Variants in MYO3A observed in about 807,000 individuals in gnomAD.
MYO3A encodes myosin-IIIa.
Under a neutral mutation model 192.7 loss-of-function variants are expected in MYO3A, and 180 were observed. That is an observed-to-expected ratio of 0.93 (90% CI 0.83 to 1.06). The LOEUF (loss-of-function observed/expected upper bound fraction) is 1.06, where lower values mean the gene tolerates loss of function less well. Among genes scored for constraint, MYO3A ranks in the 50% least tolerant of loss-of-function variants. The pLI, the probability that MYO3A is intolerant of heterozygous loss-of-function variation, is 0.00. For missense variants in MYO3A, 1,896 were observed against 1,905.0 expected (o/e 1.00, Z 0.09); for synonymous variants, 628 against 645.3 (o/e 0.97, Z 0.41).
chr10:26,130,337 C>A (rs1839459769), intron 20 of MYO3A, among the ~76,000 whole-genome samples: 1 of 152,112 alleles, frequency 6.6e-6, no homozygotes, highest in Non-Finnish European at 1.5e-5. Flanking sequence ...AAATCCTGGG[C>A]TCAGGCTCAG....
chr10:26,192,064 G>A (rs754816156), intron 31 of MYO3A, among the ~76,000 whole-genome samples: 18 of 152,114 alleles, frequency 1.2e-4, no homozygotes, highest in Non-Finnish European at 2.1e-4. Flanking sequence ...AAACAGAGTC[G>A]GTGGATGGGG....
intron 14 of MYO3A, among the ~76,000 whole-genome samples, chr10:26,080,870 T>TG (rs1835883871): frequency 6.6e-6 from 1 of 152,190 alleles, no homozygotes; most frequent in Admixed American, 6.5e-5. Context: ...GGGCTGCTGC[T>TG]GGGGGTTGTC....
At chr10:25,998,699 A>G (rs1264438069) in intron 6 of MYO3A, among the ~76,000 whole-genome samples, 1 of 152,180 alleles carries the variant, frequency 6.6e-6, no homozygotes, top group Non-Finnish European at 1.5e-5. Flanking sequence ...CTTCCTCTAA[A>G]AAATAGATAC....
At chr10:26,014,265 A>T (rs1841848716) in intron 6 of MYO3A, among the ~76,000 whole-genome samples, 1 of 152,098 alleles carries the variant, frequency 6.6e-6, no homozygotes, top group African/African-American at 2.4e-5. Flanking sequence ...TGTACATCAA[A>T]AGTTATTGAA....
At chr10:26,092,602 A>G (rs2131537362) in intron 15 of MYO3A, among the ~76,000 whole-genome samples, 1 of 152,344 alleles carries the variant, frequency 6.6e-6, no homozygotes, top group Non-Finnish European at 1.5e-5. Context: ...AGGCTGTCAG[A>G]GGCCTTGGCT....
At chr10:26,008,352 GC>G (rs1181708615) in intron 6 of MYO3A, among the ~76,000 whole-genome samples, 1 of 148,388 alleles carries the variant, frequency 6.7e-6, no homozygotes, top group Non-Finnish European at 1.5e-5. Context: ...AACACCAAAA[GC>G]AATGGCAACA....
chr10:26,060,724 G>A (rs1410840740), intron 10 of MYO3A, among the ~76,000 whole-genome samples: 1 of 152,118 alleles, frequency 6.6e-6, no homozygotes, highest in Non-Finnish European at 1.5e-5. Context: ...ATTCACTGAT[G>A]TATAAAGATG....
chr10:25,996,645 A>G (rs897237465), intron 5 of MYO3A, 51 bp downstream of exon 5: 28 of 1,437,020 alleles, frequency 1.9e-5, no homozygotes, highest in African/African-American at 2.8e-5. Flanking sequence ...GTTCCAGTTA[A>G]AAAATGTAGA....
In MYO3A at chr10:26,067,025, C is replaced by T; in HGVS notation, c.1004C>T (p.Ser335Phe). The change falls in exon 11 of 35, where the codon TCC (serine) becomes TTC (phenylalanine). Residue 335 changes from serine to phenylalanine, a missense_variant. By Grantham distance (155) the Ser-to-Phe change is radical (BLOSUM62 -2). Coordinates refer to ENST00000642920, the MANE Select transcript of MYO3A (RefSeq NM_017433.5). ...GGGAACTTCAACCGACCTCTAATAT[C>T]CAATCTGAAGGATGTAGATGATTTA... ...KKGNFNRPLI[S>F]NLKDVDDLAT... 6.2e-7 allele frequency: 1 copy of T among 1,613,186 alleles called. No homozygotes were observed. Among genetic ancestry groups the T allele is most frequent in the Non-Finnish European group, 8.5e-7 (1 of 1,179,230 alleles).
At chr10:26,006,667 C>T (rs558625467) in intron 6 of MYO3A, among the ~76,000 whole-genome samples, 121 of 152,022 alleles carry the variant, frequency 8.0e-4, no homozygotes, top group Non-Finnish European at 1.2e-3. Context: ...TACACCCTCC[C>T]GAGACTAAAC....
intron 31 of MYO3A, among the ~76,000 whole-genome samples, chr10:26,183,517 C>T (rs1336705085): frequency 1.3e-5 from 2 of 151,360 alleles, no homozygotes; most frequent in Non-Finnish European, 2.9e-5. Context: ...AGTGAGACTT[C>T]GTCTCAAAAA....
At chr10:26,067,622 C>T (rs1027615137) in intron 11 of MYO3A, among the ~76,000 whole-genome samples, 1 of 152,106 alleles carries the variant, frequency 6.6e-6, no homozygotes, top group Non-Finnish European at 1.5e-5. Flanking sequence ...GCTTATCTTT[C>T]GGGGGTATTG....
chr10:26,092,955 C>T (rs1228360312), intron 15 of MYO3A, among the ~76,000 whole-genome samples: 1 of 152,160 alleles, frequency 6.6e-6, no homozygotes, highest in Non-Finnish European at 1.5e-5. Flanking sequence ...CGCTGAAGAT[C>T]AGTATATTCC....
rs112046655 is a variant in MYO3A at position 26,113,286 on chromosome 10, A to G, written c.1777-7390A>G. Among the ~76,000 whole-genome samples the G allele has an allele frequency of 6.6e-5, 10 of 152,112 alleles. 1 individual carries two copies. The highest frequency in any genetic ancestry group is 2.4e-4 in the African/African-American group (10 of 41,508). On this transcript the variant is annotated intron_variant, in intron 17 of 34. Coordinates refer to ENST00000642920, the MANE Select transcript of MYO3A (RefSeq NM_017433.5). Reference sequence around the variant, plus strand: ...AGGAGTTTGAGACCGGCCTGGGCAAACAGTGAAACCCCGTCTCTTTTAAAA... The same window carrying G: ...AGGAGTTTGAGACCGGCCTGGGCAAGCAGTGAAACCCCGTCTCTTTTAAAA...
At chr10:26,008,256 A>G (rs1180353909) in intron 6 of MYO3A, among the ~76,000 whole-genome samples, 4 of 146,142 alleles carry the variant, frequency 2.7e-5, no homozygotes, top group Admixed American at 2.7e-4. Flanking sequence ...AGACTTAACC[A>G]TTAGACCTAA....
rs370263027 is a variant in MYO3A at position 26,030,200 on chromosome 10, C to A, written c.953+3668C>A. 3.3e-5 allele frequency among the ~76,000 whole-genome samples: 5 copies of A among 152,238 alleles called. No individual in the cohort carries two copies. The South Asian group carries it at 1.0e-3, about 32-fold the overall frequency. On this transcript the variant is annotated intron_variant, in intron 10 of 34. Coordinates refer to ENST00000642920, the MANE Select transcript of MYO3A (RefSeq NM_017433.5). ...CTTTACTCTCCAGGCCTCTTTTTCC[C>A]GTTTTTGGTGCCAGACTTTGAATCA...
chr10:26,006,616 A>T (rs1481308036), intron 6 of MYO3A, among the ~76,000 whole-genome samples: 5 of 152,234 alleles, frequency 3.3e-5, no homozygotes, highest in Non-Finnish European at 7.3e-5. Context: ...TACGCAAATA[A>T]ACTAGAAAAT....
chr10:26,026,471 C>CA lies in MYO3A; in HGVS notation c.897dup (p.Gln300ThrfsTer21), dbSNP rs1392834144. 1.9e-6 allele frequency: 3 copies of CA among 1,614,072 alleles called. No individual in the cohort carries two copies. The highest frequency in any genetic ancestry group is 4.5e-5 in the East Asian group (2 of 44,862). On this transcript the variant is annotated frameshift_variant, in exon 10 of 35. Transcript: ENST00000642920. LOFTEE classifies it high-confidence loss of function. ...AATTGAGGGCAAAGATGTGATGCTACAAAAACAACTAACGGAATTCATTGG... is the reference window on the plus strand; with the variant it reads ...AATTGAGGGCAAAGATGTGATGCTACAAAAAACAACTAACGGAATTCATTGG...
intron 14 of MYO3A, among the ~76,000 whole-genome samples, chr10:26,084,001 T>C (rs997681346): frequency 6.6e-6 from 1 of 152,220 alleles, no homozygotes; most frequent in African/African-American, 2.4e-5. Flanking sequence ...AATTTCTAGA[T>C]AGTTCGTAAG....
Sources: gnomAD v4.1 joint callset for allele counts (sites outside exome capture counted in the v4.1 genomes callset) on GRCh38, gnomAD v4.1.1 for gene constraint, MANE v1.5 for transcripts, NCBI Gene and HGNC (gene_info 2026-07-23, HGNC 2026-07-21) for gene names.